The following PIK3R3 variants were observed in gnomAD, a reference collection of about 807,000 sequenced individuals.
PIK3R3 encodes the protein phosphatidylinositol 3-kinase regulatory subunit gamma.
A neutral mutation model predicts 62.9 loss-of-function variants in PIK3R3; 64 were observed. The observed-to-expected ratio is 1.02, with a 90% CI of 0.83 to 1.25. The LOEUF is 1.25. PIK3R3 is among the 50% of genes most tolerant of loss of function. The pLI is 0.00. For missense variants in PIK3R3, 614 were observed against 561.6 expected (o/e 1.09, Z -0.94); for synonymous variants, 165 against 189.0 (o/e 0.87, Z 1.04).
intron 3 of PIK3R3, among the ~76,000 whole-genome samples, chr1:46,071,386 C>T (rs1216630895): frequency 1.3e-5 from 2 of 151,886 alleles, no homozygotes; most frequent in Non-Finnish European, 2.9e-5. Flanking sequence ...TTTTACCTTG[C>T]GGTTCTGGAG....
At chr1:46,147,578 T>C in the PIK3R3 span, among the ~76,000 whole-genome samples, 4 of 152,198 alleles carry the variant, frequency 2.6e-5, no homozygotes, top group East Asian at 5.8e-4. Context: ...CCACCACGCC[T>C]GGCTAATTTT....
At chr1:46,154,604 G>A in the PIK3R3 span, among the ~76,000 whole-genome samples, 5 of 152,214 alleles carry the variant, frequency 3.3e-5, no homozygotes, top group East Asian at 5.8e-4. Flanking sequence ...AGGAACTAAA[G>A]TGTGAGAGAC....
At chr1:46,087,897 A>G (rs945489500) in intron 1 of PIK3R3, among the ~76,000 whole-genome samples, 3 of 152,210 alleles carry the variant, frequency 2.0e-5, no homozygotes, top group East Asian at 1.9e-4. Flanking sequence ...TGAGGCTACT[A>G]AAGTGTCAAA....
intron 3 of PIK3R3, among the ~76,000 whole-genome samples, chr1:46,073,226 A>G (rs1340440902): frequency 2.0e-5 from 3 of 152,166 alleles, no homozygotes; most frequent in African/African-American, 7.2e-5. Flanking sequence ...TATGATAACC[A>G]TGTCCACCTT....
chr1:46,167,982 C>T, the PIK3R3 span, among the ~76,000 whole-genome samples: 2 of 151,902 alleles, frequency 1.3e-5, no homozygotes, highest in African/African-American at 2.4e-5. Context: ...ATGGTGAAAC[C>T]CTGTCTCTAC....
At chr1:46,097,324 C>A (rs1652230455) in intron 1 of PIK3R3, among the ~76,000 whole-genome samples, 1 of 151,518 alleles carries the variant, frequency 6.6e-6, no homozygotes, top group African/African-American at 2.4e-5. Flanking sequence ...CGAGAGGACA[C>A]CTTGAGGCCA....
At position 46,130,439 on chromosome 1, in the gene PIK3R3, C is replaced by T. The variant is rs75225667; in HGVS notation, c.106+1408G>A. 5.6e-4 allele frequency among the ~76,000 whole-genome samples: 84 copies of T among 151,338 alleles called. No individual in the cohort carries two copies. The East Asian group carries it at 0.013, about 24-fold the overall frequency. On this transcript the variant is annotated intron_variant, in intron 1 of 9. Transcript: ENST00000262741. Reference sequence around the variant, plus strand: ...AAAAGCTGCATCTGGATTGCAGTCACAATTATAAAAGCAAATAAAGCTCTG... The same window carrying T: ...AAAAGCTGCATCTGGATTGCAGTCATAATTATAAAAGCAAATAAAGCTCTG...
intron 7 of PIK3R3, among the ~76,000 whole-genome samples, chr1:46,054,531 A>T (rs1010875279): frequency 1.3e-5 from 2 of 152,114 alleles, no homozygotes; most frequent in African/African-American, 4.8e-5. Flanking sequence ...GTCTATGGAA[A>T]ACCCAGATTC....
At chr1:46,134,253 A>C (rs974455168), upstream of PIK3R3, among the ~76,000 whole-genome samples, 1 of 152,174 alleles carries the variant, frequency 6.6e-6, no homozygotes, top group African/African-American at 2.4e-5. Context: ...CGCCTATGGA[A>C]GAGTTGCCAC....
intron 1 of PIK3R3, among the ~76,000 whole-genome samples, chr1:46,096,109 G>A (rs1652100468): frequency 6.6e-6 from 1 of 152,148 alleles, no homozygotes; most frequent in Non-Finnish European, 1.5e-5. Context: ...ATGTTCTAGG[G>A]CTTCTCCAGC....
intron 1 of PIK3R3, among the ~76,000 whole-genome samples, chr1:46,129,614 T>G (rs184572656): frequency 6.6e-6 from 1 of 152,184 alleles, no homozygotes; most frequent in African/African-American, 2.4e-5. Flanking sequence ...AATAAGAGCT[T>G]GATGTGGGGT....
upstream of PIK3R3, among the ~76,000 whole-genome samples, chr1:46,136,213 A>G (rs759925634): frequency 2.0e-5 from 3 of 152,072 alleles, no homozygotes; most frequent in Non-Finnish European, 2.9e-5. Flanking sequence ...GGCCCAGTCC[A>G]TGCAATTAAA....
At chr1:46,099,854 T>G (rs1312137783) in intron 1 of PIK3R3, among the ~76,000 whole-genome samples, 1 of 152,232 alleles carries the variant, frequency 6.6e-6, no homozygotes, top group Non-Finnish European at 1.5e-5. Flanking sequence ...AGAGTTTTCC[T>G]TATTCTACAT....
In PIK3R3 at chr1:46,066,969, G is replaced by C; in HGVS notation, c.437C>G (p.Ala146Gly). 5 of 1,613,100 alleles carry C rather than the reference G, an allele frequency of 3.1e-6. No individual in the cohort carries two copies. The highest frequency in any genetic ancestry group is 4.2e-6 in the Non-Finnish European group (5 of 1,179,528). Residue 146 changes from alanine to glycine, a missense_variant, in exon 4 of 10, where the codon GCT becomes GGT. Physicochemically the swap from Ala to Gly is moderately conservative, Grantham distance 60 (BLOSUM62 0). Coordinates refer to ENST00000262741, the MANE Select transcript of PIK3R3 (RefSeq NM_003629.4). The part of the protein sequence containing the change: ...LINHYHHESL[A>G]QYNPKLDVKL... The stretch of plus-strand genomic sequence containing the variant: ...CACATCAAGTTTGGGATTGTACTGA[G>C]CAAGAGATTCATGGTGATAGTGGTT...
the PIK3R3 span, among the ~76,000 whole-genome samples, chr1:46,173,330 ATGTGCC>A: frequency 6.6e-6 from 1 of 152,218 alleles, no homozygotes; most frequent in Admixed American, 6.5e-5. Context: ...AATCTGTGTA[ATGTGCC>A]TCTCACTGAG....
intron 1 of PIK3R3, among the ~76,000 whole-genome samples, chr1:46,098,313 T>C (rs1652338101): frequency 6.6e-6 from 1 of 152,200 alleles, no homozygotes; most frequent in African/African-American, 2.4e-5. Context: ...ACTGCTGTCA[T>C]GAAAGTAAAA....
At chr1:46,133,070 T>G, upstream of PIK3R3, 1 of 1,003,350 alleles carries the variant, frequency 1.0e-6, no homozygotes, top group Non-Finnish European at 1.2e-6. Flanking sequence ...TTTGTCTGCC[T>G]TGCTCCTGCG....
intron 1 of PIK3R3, among the ~76,000 whole-genome samples, chr1:46,120,498 G>A (rs754368656): frequency 4.6e-5 from 7 of 152,134 alleles, no homozygotes; most frequent in Middle Eastern, 3.2e-3. Flanking sequence ...GCTTGAACCC[G>A]GGAGGTGGAG....
intron 1 of PIK3R3, among the ~76,000 whole-genome samples, chr1:46,131,057 A>G (rs759057242): frequency 6.6e-6 from 1 of 151,726 alleles, no homozygotes; most frequent in Non-Finnish European, 1.5e-5. Context: ...ATAGGAACAC[A>G]TATGTATATA....
Sources: allele counts gnomAD v4.1 joint callset (sites outside exome capture counted in the v4.1 genomes callset), GRCh38; gene constraint gnomAD v4.1.1; transcripts MANE v1.5; gene names NCBI Gene and HGNC (gene_info 2026-07-23, HGNC 2026-07-21).